Variants in SCN3A observed in about 807,000 individuals in gnomAD.
The protein encoded by SCN3A is sodium voltage-gated channel alpha subunit 3, also known as sodium channel protein type 3 subunit alpha.
Under a neutral mutation model 187.6 loss-of-function variants are expected in SCN3A, and 60 were observed. The observed-to-expected ratio is 0.32, with a 90% CI of 0.26 to 0.40. The LOEUF is 0.40. Among genes scored for constraint, SCN3A ranks in the 10% least tolerant of loss-of-function variants. The pLI is 1.00. For missense variants in SCN3A, 1,601 were observed against 2,428.2 expected (o/e 0.66, Z 7.16); for synonymous variants, 788 against 829.2 (o/e 0.95, Z 0.85).
rs1397600676 is a variant in SCN3A, at chr2:165,095,595, G to A, written c.4347C>T (p.Val1449=). 5 of 1,563,350 alleles carry A rather than the reference G, an allele frequency of 3.2e-6. No individual in the cohort carries two copies. The highest frequency in any genetic ancestry group is 1.4e-5 in the African/African-American group (1 of 73,760). ...AGAATGACCCAAAGATGATAAAGATGACAAAGTATAAATACATGTACAGAT... is the reference window on the plus strand; with the variant it reads ...AGAATGACCCAAAGATGATAAAGATAACAAAGTATAAATACATGTACAGAT... ...EENLYMYLYF[V]IFIIFGSFFT... is the part of the protein sequence containing the mutation. Residue 1449 remains valine, a synonymous_variant, in exon 25 of 28, where the codon GTC becomes GTT. Transcript: ENST00000283254.
rs1421922661 is a variant in SCN3A at position 165,140,776 on chromosome 2, A to G, written c.1894T>C (p.Ser632Pro). 1 of 1,614,134 alleles carries G rather than the reference A, an allele frequency of 6.2e-7. No individual in the cohort carries two copies. The highest frequency in any genetic ancestry group is 2.2e-5 in the East Asian group (1 of 44,862). The change falls in exon 13 of 28, where the codon TCC (serine) becomes CCC (proline). Residue 632 changes from serine (S) to proline (P), a missense_variant. Physicochemically the swap from Ser to Pro is moderately conservative, Grantham distance 74 (BLOSUM62 -1). Transcript: ENST00000283254. This position sits in a 1 kb window ranked among gnomAD's most constrained non-coding sequence, Gnocchi z 4.2. Reference sequence around the variant, plus strand: ...GCTGGAAGCCCTGGCACCATCCTGGATGACATACTGGCCTGACTAACGTTA... The same window carrying G: ...GCTGGAAGCCCTGGCACCATCCTGGGTGACATACTGGCCTGACTAACGTTA... ...NSNVSQASMS[S>P]RMVPGLPANG...
chr2:165,115,470 C>T lies in SCN3A; in HGVS notation c.3499G>A (p.Ala1167Thr), dbSNP rs1259561654. Residue 1167 changes from alanine (A) to threonine (T), a missense_variant, in exon 19 of 28, where the codon GCT becomes ACT. Physicochemically the swap from Ala to Thr is moderately conservative, Grantham distance 58. Transcript: ENST00000283254. Reference protein sequence around the residue: ...TEPEEDLKPEACFTEGCIKKF... With the variant: ...TEPEEDLKPETCFTEGCIKKF... The stretch of plus-strand genomic sequence containing the variant: ...GCTTGTTTACCTTCAGTAAAACAAG[C>T]TTCCGGTTTAAGGTCTTCTTCGGGT... 8.7e-6 allele frequency: 14 copies of T among 1,613,776 alleles called. No individual in the cohort carries two copies. The highest frequency in any genetic ancestry group is 2.2e-5 in the South Asian group (2 of 91,062).
chr2:165,121,421 T>A (rs912663856), intron 18 of SCN3A, among the ~76,000 whole-genome samples: 1 of 152,238 alleles, frequency 6.6e-6, no homozygotes, highest in Non-Finnish European at 1.5e-5. Context: ...TTAATTCTAT[T>A]CTGCTGGTGA....
At chr2:165,157,343 A>G (rs1302625149) in intron 9 of SCN3A, among the ~76,000 whole-genome samples, 1 of 152,140 alleles carries the variant, frequency 6.6e-6, no homozygotes, top group East Asian at 1.9e-4. Context: ...TTTGATGACC[A>G]CAACAGTTTT....
intron 21 of SCN3A, among the ~76,000 whole-genome samples, chr2:165,105,034 C>G (rs1685778993): frequency 6.6e-6 from 1 of 152,118 alleles, no homozygotes; most frequent in African/African-American, 2.4e-5. Context: ...AAAAGCAACT[C>G]AAATTGTTTC....
At chr2:165,108,946 T>C (rs1016416273) in intron 21 of SCN3A, among the ~76,000 whole-genome samples, 5 of 152,100 alleles carry the variant, frequency 3.3e-5, no homozygotes, top group Admixed American at 6.5e-5. Flanking sequence ...CTGTCTCCAT[T>C]TCTTCATCTT....
At chr2:165,122,551 G>T (rs904261230) in intron 18 of SCN3A, among the ~76,000 whole-genome samples, 1 of 152,080 alleles carries the variant, frequency 6.6e-6, no homozygotes, top group African/African-American at 2.4e-5. Context: ...TTTTAAAATA[G>T]ATATTACAAA....
Position 165,127,879 on chromosome 2 carries a change from TGC to T in SCN3A, c.3143_3144del (p.Cys1048TyrfsTer4), listed in dbSNP as rs1364846608. ...EIHEGNKIDS[C>X]MSNNTGIEIS... ...ATTTCAATTCCAGTATTATTGGACA[TGC>T]AGCTGTCTATCTTATTGCCTTCATG... On this transcript the variant is annotated frameshift_variant, in exon 18 of 28. Transcript: ENST00000283254. LOFTEE classifies it high-confidence loss of function. 7.4e-6 allele frequency: 12 copies of T among 1,614,096 alleles called. No homozygotes were observed. The East Asian group carries it at 2.7e-4, about 36-fold the overall frequency.
chr2:165,104,534 T>C (rs1434497981), intron 21 of SCN3A, among the ~76,000 whole-genome samples: 2 of 149,046 alleles, frequency 1.3e-5, no homozygotes, highest in Non-Finnish European at 3.0e-5. Flanking sequence ...CAAACAAAAT[T>C]CTCCAACTAA....
chr2:165,117,849 C>A (rs1686448544), intron 18 of SCN3A, among the ~76,000 whole-genome samples: 1 of 152,004 alleles, frequency 6.6e-6, no homozygotes. Flanking sequence ...CATTTGAAAA[C>A]TTTAGAAAAT....
In SCN3A at chr2:165,089,701, C is replaced by T. The variant is rs141037180; in HGVS notation, c.*449G>A. ...GGGTTCTTGTATACTGTTTCTTCAA[C>T]GTAAACCTCATTTACAAAAATAGTG... is the stretch of plus-strand genomic sequence containing the variant. On this transcript the variant is annotated 3_prime_UTR_variant, in exon 28 of 28. Transcript: ENST00000283254. 1.6e-3 allele frequency: 262 copies of T among 161,586 alleles called. 1 individual carries two copies. The highest frequency in any genetic ancestry group is 5.8e-3 in the African/African-American group (240 of 41,584). 10.0% of individuals were successfully genotyped at this position (161,586 alleles called of 1,614,324 possible).
Position 165,163,862 on chromosome 2 carries a change from C to T in SCN3A, c.603-153G>A, listed in dbSNP as rs187637533. ...ACTCTGAAAGTTCGAAGGGCTGAAA[C>T]ATTGCCTAGGCTTACAAATTCTGTT... is the stretch of plus-strand genomic sequence containing the variant. On this transcript the variant is annotated intron_variant, in intron 6 of 27. Coordinates refer to ENST00000283254, the MANE Select transcript of SCN3A (RefSeq NM_006922.4). 1,728 of 1,613,852 alleles carry T rather than the reference C, an allele frequency of 1.1e-3. 17 individuals are homozygous for T. The highest frequency in any genetic ancestry group is 4.0e-3 in the East Asian group (180 of 44,858).
intron 21 of SCN3A, among the ~76,000 whole-genome samples, chr2:165,103,033 T>C (rs1685681280): frequency 6.6e-6 from 1 of 152,244 alleles, no homozygotes; most frequent in Non-Finnish European, 1.5e-5. Flanking sequence ...TAAATATTTT[T>C]TTCTGGTTTG....
chr2:165,130,204 G>C lies in SCN3A; in HGVS notation c.2658C>G (p.Thr886=). The change falls in exon 17 of 28, where the codon ACC becomes ACG. Residue 886 remains threonine, a synonymous_variant. Transcript: ENST00000283254. Reference sequence around the variant, plus strand: ...TGAAGACGATGATGGCCAACACCAAGGTGAGGTTTCCTAGAGCCCCCACAG... The same window carrying C: ...TGAAGACGATGATGGCCAACACCAACGTGAGGTTTCCTAGAGCCCCCACAG... ...GNSVGALGNL[T]LVLAIIVFIF... The C allele has an allele frequency of 6.2e-7, 1 of 1,614,166 alleles. No individual in the cohort carries two copies. Among genetic ancestry groups the C allele is most frequent in the Non-Finnish European group, 8.5e-7 (1 of 1,180,024 alleles).
intron 17 of SCN3A, among the ~76,000 whole-genome samples, chr2:165,128,464 CT>C (rs1687129061): frequency 6.6e-6 from 1 of 152,020 alleles, no homozygotes; most frequent in African/African-American, 2.4e-5. Flanking sequence ...ATACTTTCTT[CT>C]TAATCATTTT....
chr2:165,141,332 T>C (rs1688003314), intron 12 of SCN3A, among the ~76,000 whole-genome samples: 2 of 152,170 alleles, frequency 1.3e-5, no homozygotes, highest in South Asian at 4.1e-4. Context: ...TTTCTTTTGA[T>C]GGGAATGGTG....
At chr2:165,193,445 T>C (rs1378584833) in intron 1 of SCN3A, among the ~76,000 whole-genome samples, 1 of 152,114 alleles carries the variant, frequency 6.6e-6, no homozygotes, top group Non-Finnish European at 1.5e-5. Context: ...TGAAGTACAT[T>C]GGCAACATGA....
chr2:165,136,900 C>T (rs557537437), intron 15 of SCN3A, among the ~76,000 whole-genome samples: 5 of 152,266 alleles, frequency 3.3e-5, no homozygotes, highest in South Asian at 4.1e-4. Context: ...TGCTCCTTCA[C>T]GCATGATTCC....
chr2:165,128,183 T>G, intron 17 of SCN3A, 82 bp from the exon 18 acceptor site: 2 of 1,070,070 alleles, frequency 1.9e-6, no homozygotes, highest in Non-Finnish European at 2.7e-6. Context: ...CTCATAGATC[T>G]TTGCTAAAAT....
Sources: gnomAD v4.1 joint callset for allele counts (sites outside exome capture counted in the v4.1 genomes callset) on GRCh38, gnomAD v4.1.1 for gene constraint, Gnocchi (gnomAD v3.1) non-coding constraint, MANE v1.5 for transcripts, NCBI Gene and HGNC (gene_info 2026-07-23, HGNC 2026-07-21) for gene names.